GALNTL6: variants seen among roughly 807,000 people sequenced by gnomAD.
The protein encoded by GALNTL6 is polypeptide N-acetylgalactosaminyltransferase-like 6.
A neutral mutation model predicts 73.7 loss-of-function variants in GALNTL6; 46 were observed. That is an observed-to-expected ratio of 0.62 (90% CI 0.49 to 0.80). The LOEUF (loss-of-function observed/expected upper bound fraction) is 0.80. Among genes scored for constraint, GALNTL6 ranks in the 30% least tolerant of loss-of-function variants. GALNTL6 has a pLI of 0.00. For synonymous variants in GALNTL6, 259 were observed against 263.7 expected (o/e 0.98, Z 0.17); for missense variants, 604 against 755.0 (o/e 0.80, Z 2.34).
chr4:172,270,588 C>G (rs1247149321), intron 3 of GALNTL6, among the ~76,000 whole-genome samples: 2 of 152,134 alleles, frequency 1.3e-5, no homozygotes, highest in Admixed American at 6.5e-5. Flanking sequence ...CTGACAGAAC[C>G]TGGGACAAGC....
At chr4:172,568,757 C>CAAAA (rs71592082) in intron 5 of GALNTL6, among the ~76,000 whole-genome samples, 895 of 66,614 alleles carry the variant, frequency 0.013, 51 homozygotes, top group South Asian at 0.03. Context: ...GACTCCATCT[C>CAAAA]AAAAAAAAAA....
chr4:172,796,570 G>A (rs1189016820), intron 5 of GALNTL6, among the ~76,000 whole-genome samples: 1 of 152,108 alleles, frequency 6.6e-6, no homozygotes, highest in Non-Finnish European at 1.5e-5. Flanking sequence ...AATCTAAGAC[G>A]CATTTTTGGT....
chr4:172,671,854 T>G (rs770992164), intron 5 of GALNTL6, among the ~76,000 whole-genome samples: 5 of 152,036 alleles, frequency 3.3e-5, no homozygotes, highest in Non-Finnish European at 5.9e-5. Flanking sequence ...TTTTTGTTTG[T>G]TTGGTTTTTT....
chr4:172,619,620 A>G (rs17058676), intron 5 of GALNTL6, among the ~76,000 whole-genome samples: 3,012 of 152,348 alleles, frequency 0.02, 39 homozygotes, highest in Middle Eastern at 0.031. Context: ...GTTGAATGCA[A>G]CAGTACAGTA....
At chr4:172,785,499 G>A in intron 5 of GALNTL6, among the ~76,000 whole-genome samples, 1 of 151,872 alleles carries the variant, frequency 6.6e-6, no homozygotes, top group East Asian at 1.9e-4. Flanking sequence ...ATTTATTGAG[G>A]GCCTAATATG....
At chr4:172,599,957 G>A (rs1164564957) in intron 5 of GALNTL6, among the ~76,000 whole-genome samples, 1 of 151,956 alleles carries the variant, frequency 6.6e-6, no homozygotes, top group Non-Finnish European at 1.5e-5. Flanking sequence ...CTGTAAGAAA[G>A]AAGAAATTTT....
intron 5 of GALNTL6, among the ~76,000 whole-genome samples, chr4:172,430,757 A>T (rs1469101453): frequency 6.6e-6 from 1 of 152,106 alleles, no homozygotes; most frequent in Non-Finnish European, 1.5e-5. Flanking sequence ...GTGAGCTCTG[A>T]TCTCACCACT....
At chr4:171,997,272 C>T (rs1235981474) in intron 2 of GALNTL6, among the ~76,000 whole-genome samples, 2 of 152,046 alleles carry the variant, frequency 1.3e-5, no homozygotes, top group African/African-American at 4.8e-5. Context: ...TACCAATCAG[C>T]TTTTACCACT....
intron 2 of GALNTL6, among the ~76,000 whole-genome samples, chr4:172,007,700 C>CTTATA (rs1008761506): frequency 4.6e-5 from 7 of 152,034 alleles, no homozygotes; most frequent in African/African-American, 1.7e-4. Flanking sequence ...AAACATCAAC[C>CTTATA]TTATAAAAAC....
chr4:172,096,993 C>G (rs928679239), intron 2 of GALNTL6, among the ~76,000 whole-genome samples: 7 of 152,152 alleles, frequency 4.6e-5, no homozygotes, highest in African/African-American at 1.4e-4. Context: ...CCAGGCAGAT[C>G]GTCATACTTT....
chr4:171,982,021 A>G (rs1579028985), intron 2 of GALNTL6, among the ~76,000 whole-genome samples: 2 of 152,138 alleles, frequency 1.3e-5, no homozygotes, highest in Admixed American at 1.3e-4. Flanking sequence ...GTAATCTTAT[A>G]GTCAGTCTAT....
intron 3 of GALNTL6, among the ~76,000 whole-genome samples, chr4:172,261,073 G>C (rs1302239619): frequency 6.6e-6 from 1 of 150,714 alleles, no homozygotes; most frequent in Non-Finnish European, 1.5e-5. Context: ...TCTTTTTTTG[G>C]TATGTTCTTT....
chr4:172,668,743 T>G (rs1486037596), intron 5 of GALNTL6: 1 of 152,208 alleles, frequency 6.6e-6, no homozygotes, highest in African/African-American at 2.4e-5. Flanking sequence ...AAAGAGCTCC[T>G]ACTTGAAGGT....
chr4:172,311,449 T>A (rs1330217568), intron 3 of GALNTL6, among the ~76,000 whole-genome samples, 165 bp from the exon 4 acceptor site: 1 of 152,192 alleles, frequency 6.6e-6, no homozygotes, highest in African/African-American at 2.4e-5. Flanking sequence ...TGAGTATATT[T>A]CATTTACTTA....
At chr4:172,345,647 G>A (rs1396392482) in intron 4 of GALNTL6, among the ~76,000 whole-genome samples, 2 of 152,166 alleles carry the variant, frequency 1.3e-5, no homozygotes, top group African/African-American at 4.8e-5. Context: ...GTTCCAAAGA[G>A]ACTATACCAA....
At chr4:172,909,182 A>ACACTT (rs1378815281) in intron 8 of GALNTL6, among the ~76,000 whole-genome samples, 4 of 151,876 alleles carry the variant, frequency 2.6e-5, no homozygotes, top group Admixed American at 6.6e-5. Context: ...ATTGAATCCC[A>ACACTT]CACTTCATAC....
chr4:172,493,758 G>T (rs1733971900), intron 5 of GALNTL6, among the ~76,000 whole-genome samples: 1 of 152,124 alleles, frequency 6.6e-6, no homozygotes, highest in Non-Finnish European at 1.5e-5. Context: ...TGGAAGTATT[G>T]CCAGAAATGC....
At chr4:172,558,089 C>T (rs1187760445) in intron 5 of GALNTL6, among the ~76,000 whole-genome samples, 1 of 151,908 alleles carries the variant, frequency 6.6e-6, no homozygotes, top group South Asian at 2.1e-4. Context: ...GATGATATAT[C>T]CAGAAACACT....
intron 12 of GALNTL6, among the ~76,000 whole-genome samples, chr4:173,034,613 G>A (rs1753608985): frequency 6.6e-6 from 1 of 152,162 alleles, no homozygotes; most frequent in Non-Finnish European, 1.5e-5. Flanking sequence ...GGGAAGGTCT[G>A]AGACTCTTTG....
Sources: allele counts gnomAD v4.1 joint callset (sites outside exome capture counted in the v4.1 genomes callset), GRCh38; gene constraint gnomAD v4.1.1; transcripts MANE v1.5; gene names NCBI Gene and HGNC (gene_info 2026-07-23, HGNC 2026-07-21).